The following WWOX variants were observed in gnomAD, a reference collection of about 807,000 sequenced individuals.
WWOX encodes WW domain containing oxidoreductase.
Under a neutral mutation model 46.2 loss-of-function variants are expected in WWOX, and 69 were observed. That is an observed-to-expected ratio of 1.49 (90% CI 1.23 to 1.82). The LOEUF (loss-of-function observed/expected upper bound fraction) is 1.82, where lower values mean the gene tolerates loss of function less well. Among genes scored for constraint, WWOX ranks in the 40% most tolerant of loss-of-function variants. The probability of loss-of-function intolerance (pLI) is 0.00; values close to 1 mark genes in which losing one functional copy is unlikely to be tolerated. For missense variants in WWOX, 919 were observed against 542.6 expected, an observed-to-expected ratio of 1.69 and a Z score of -6.89; for synonymous variants, 359 against 202.6, an observed-to-expected ratio of 1.77 and a Z score of -6.56.
chr16:78,578,449 C>G (rs991439336), intron 8 of WWOX, among the ~76,000 whole-genome samples: 7 of 150,718 alleles, frequency 4.6e-5, no homozygotes, highest in African/African-American at 1.7e-4. Context: ...ACCACCATGC[C>G]TGGCTAATTT....
At chr16:79,023,087 C>T (rs1316330273) in intron 8 of WWOX, among the ~76,000 whole-genome samples, 1 of 151,840 alleles carries the variant, frequency 6.6e-6, no homozygotes. Flanking sequence ...AATATAGCAA[C>T]AGCAATCATG....
intron 5 of WWOX, among the ~76,000 whole-genome samples, chr16:78,382,165 G>T (rs181837218): frequency 6.6e-6 from 1 of 152,196 alleles, no homozygotes; most frequent in Middle Eastern, 3.2e-3. Flanking sequence ...GACTGAGTTA[G>T]TTGTTGTTGT....
chr16:78,784,517 C>G (rs2050407877), intron 8 of WWOX, among the ~76,000 whole-genome samples: 1 of 151,784 alleles, frequency 6.6e-6, no homozygotes. Flanking sequence ...TGACTTTGAA[C>G]AAATTATTTT....
intron 5 of WWOX, among the ~76,000 whole-genome samples, chr16:78,351,770 TCC>T (rs1176646183): frequency 6.6e-6 from 1 of 152,100 alleles, no homozygotes; most frequent in African/African-American, 2.4e-5. Context: ...GATTCTCCTC[TCC>T]CAGCCTCCCG....
chr16:78,374,418 A>G (rs573473108), intron 5 of WWOX, among the ~76,000 whole-genome samples: 5 of 151,898 alleles, frequency 3.3e-5, no homozygotes, highest in South Asian at 2.1e-4. Context: ...CATTTTCAGT[A>G]TAATTTATTT....
At chr16:79,068,858 A>ATAG (rs1567528089) in intron 8 of WWOX, among the ~76,000 whole-genome samples, 2 of 148,832 alleles carry the variant, frequency 1.3e-5, no homozygotes, top group Non-Finnish European at 3.0e-5. Context: ...AATAATAATA[A>ATAG]TAATAAAGAA....
intron 5 of WWOX, among the ~76,000 whole-genome samples, chr16:78,190,271 G>A (rs576046593): frequency 5.0e-4 from 76 of 152,278 alleles, no homozygotes; most frequent in Middle Eastern, 6.8e-3. Context: ...GGCTGCTAGC[G>A]CTTAGTTTCC....
intron 8 of WWOX, among the ~76,000 whole-genome samples, chr16:79,140,994 C>T (rs575138466): frequency 2.6e-4 from 40 of 152,220 alleles, no homozygotes; most frequent in African/African-American, 8.2e-4. Flanking sequence ...TATAGGCGTA[C>T]GCTTAGAAAG....
At chr16:79,069,887 C>T (rs970356713) in intron 8 of WWOX, among the ~76,000 whole-genome samples, 2 of 152,154 alleles carry the variant, frequency 1.3e-5, no homozygotes, top group African/African-American at 2.4e-5. Context: ...TTGAAAAACA[C>T]CTTGTTTCAA....
intron 8 of WWOX, among the ~76,000 whole-genome samples, chr16:79,096,836 TAAG>T (rs1467376661): frequency 2.0e-5 from 3 of 152,052 alleles, no homozygotes; most frequent in South Asian, 2.1e-4. Flanking sequence ...TCTCACAGAA[TAAG>T]AAGAAGGAGC....
intron 8 of WWOX, among the ~76,000 whole-genome samples, chr16:78,446,168 A>T (rs1249043349): frequency 6.6e-6 from 1 of 152,248 alleles, no homozygotes; most frequent in Non-Finnish European, 1.5e-5. Context: ...TTAGTAAACT[A>T]TCAGTTTAAT....
intron 8 of WWOX, among the ~76,000 whole-genome samples, chr16:78,557,228 TTA>T (rs1555562978): frequency 8.9e-6 from 1 of 112,484 alleles, no homozygotes; most frequent in African/African-American, 3.3e-5. Context: ...ATTATCATGA[TTA>T]TTATTATTTA....
intron 8 of WWOX, among the ~76,000 whole-genome samples, chr16:79,187,947 G>GCC (rs1473701075): frequency 2.2e-4 from 33 of 152,224 alleles, no homozygotes; most frequent in African/African-American, 7.7e-4. Context: ...AGGCACGATT[G>GCC]ATAATGTTCC....
intron 5 of WWOX, among the ~76,000 whole-genome samples, chr16:78,365,678 T>A (rs2081520717): frequency 1.3e-5 from 2 of 152,194 alleles, no homozygotes; most frequent in Non-Finnish European, 2.9e-5. Flanking sequence ...AGGAACAGAT[T>A]GCCAGATGTG....
chr16:79,146,020 T>C (rs1347083662), intron 8 of WWOX, among the ~76,000 whole-genome samples: 1 of 152,194 alleles, frequency 6.6e-6, no homozygotes, highest in African/African-American at 2.4e-5. Context: ...TGAATTAAGA[T>C]TATTTTCTAA....
intron 8 of WWOX, among the ~76,000 whole-genome samples, chr16:79,063,096 C>G (rs753428144): frequency 6.6e-6 from 1 of 152,196 alleles, no homozygotes; most frequent in Non-Finnish European, 1.5e-5. Flanking sequence ...CGCCAAATCT[C>G]CCACCAAATC....
chr16:78,383,460 C>G (rs143821799), intron 5 of WWOX, among the ~76,000 whole-genome samples: 1 of 152,166 alleles, frequency 6.6e-6, no homozygotes, highest in Non-Finnish European at 1.5e-5. Flanking sequence ...TGCAGATTCA[C>G]TGCCAGACCT....
At chr16:78,771,473 T>G (rs1164153023) in intron 8 of WWOX, among the ~76,000 whole-genome samples, 1 of 152,160 alleles carries the variant, frequency 6.6e-6, no homozygotes, top group Non-Finnish European at 1.5e-5. Context: ...ATTGTATCCT[T>G]AAAAATGCTT....
At chr16:78,186,485 C>G (rs977006573) in intron 5 of WWOX, among the ~76,000 whole-genome samples, 1 of 152,146 alleles carries the variant, frequency 6.6e-6, no homozygotes, top group African/African-American at 2.4e-5. Flanking sequence ...TATTTTATGC[C>G]AGATGCAGTG....
Sources: allele counts gnomAD v4.1 joint callset (sites outside exome capture counted in the v4.1 genomes callset), GRCh38; gene constraint gnomAD v4.1.1; transcripts MANE v1.5; gene names NCBI Gene and HGNC (gene_info 2026-07-23, HGNC 2026-07-21).